ZBTB8B: variants seen among roughly 807,000 people sequenced by gnomAD.
ZBTB8B encodes zinc finger and BTB domain-containing protein 8B.
ZBTB8B carries 17 observed loss-of-function variants against 30.3 expected under a neutral mutation model. The ratio of observed to expected loss-of-function variants is 0.56; its 90% confidence interval spans 0.38 to 0.84. The LOEUF (loss-of-function observed/expected upper bound fraction) is 0.84. ZBTB8B is among the 40% of genes least tolerant of loss of function. The pLI, the probability that ZBTB8B is intolerant of heterozygous loss-of-function variation, is 0.00. For missense variants in ZBTB8B, 515 were observed against 644.9 expected (o/e 0.80, Z 2.18); for synonymous variants, 248 against 255.6 (o/e 0.97, Z 0.28).
At chr1:32,470,515 A>AG (rs1643608176) in intron 1 of ZBTB8B, 69 bp from the exon 2 acceptor site, 15 of 1,111,844 alleles carry the variant, frequency 1.3e-5, no homozygotes, top group Middle Eastern at 3.4e-4. Flanking sequence ...AAAAAAAAAA[A>AG]AAAAAAAAAA....
In ZBTB8B at chr1:32,487,222, C is replaced by T. The variant is rs1287856508; in HGVS notation, c.*1804C>T. 1.3e-5 allele frequency: 2 copies of T among 152,190 alleles called. No homozygotes were observed. The highest frequency in any genetic ancestry group is 6.5e-5 in the Admixed American group (1 of 15,272). 9.4% of individuals were successfully genotyped at this position (152,190 alleles called of 1,614,324 possible). A position where few individuals can be genotyped will look rare whatever the true frequency, so the allele number is the denominator to read the frequency against. On this transcript the variant is annotated 3_prime_UTR_variant, in exon 4 of 4. Transcript: ENST00000609129. ...CAAAGCATTAGACAGGTGTTTAAGT[C>T]GTACTTCTCAATAGTAGTTAAAACT...
At position 32,487,546 on chromosome 1, in the gene ZBTB8B, T is replaced by A. The variant is rs1336713444; in HGVS notation, c.*2128T>A. On this transcript the variant is annotated 3_prime_UTR_variant, in exon 4 of 4. Transcript: ENST00000609129. ...ACTTCTCTTATCACAGGTAGTTCGA[T>A]AAATATCATTCTTGGCTGTGTGCGG... 6.6e-6 allele frequency: 1 copy of A among 152,204 alleles called. No homozygotes were observed. Among genetic ancestry groups the A allele is most frequent in the Non-Finnish European group, 1.5e-5 (1 of 68,060 alleles). The allele number at this position is 152,204 out of a possible 1,614,324, so 9.4% of individuals were successfully genotyped here. A position where few individuals can be genotyped will look rare whatever the true frequency, so the allele number is the denominator to read the frequency against.
intron 1 of ZBTB8B, among the ~76,000 whole-genome samples, chr1:32,467,482 G>C (rs1643580569): frequency 6.6e-6 from 1 of 152,024 alleles, no homozygotes; most frequent in African/African-American, 2.4e-5. Context: ...TCGAACTCCT[G>C]ACCCCAGGTG....
Position 32,484,329 on chromosome 1 carries a change from C to T in ZBTB8B, c.1171-772C>T, listed in dbSNP as rs183255661. 2.3e-3 allele frequency among the ~76,000 whole-genome samples: 353 copies of T among 152,162 alleles called. 1 individual carries two copies. Among genetic ancestry groups the T allele is most frequent in the African/African-American group, 8.1e-3 (335 of 41,488 alleles). ...TGTCCCTGCCCTCTTAGAGCTTCCA[C>T]TCTAGTGACTTTTATGAACAATTTG... On this transcript the variant is annotated intron_variant, in intron 3 of 3. Coordinates refer to ENST00000609129, the MANE Select transcript of ZBTB8B (RefSeq NM_001145720.2). The surrounding 1 kb of genome is among the most constrained non-coding windows in gnomAD (Gnocchi z 4.5).
chr1:32,484,122 C>T lies in ZBTB8B; in HGVS notation c.1171-979C>T, dbSNP rs1402149016. On this transcript the variant is annotated intron_variant, in intron 3 of 3. Coordinates refer to ENST00000609129, the MANE Select transcript of ZBTB8B (RefSeq NM_001145720.2). This position sits in a 1 kb window ranked among gnomAD's most constrained non-coding sequence, Gnocchi z 4.5. ...GCTTGGGAGGCTGGAGGGGGAGGAT[C>T]GCTTGAGCCCAGGAGTTCAGGGCTT... Among the ~76,000 whole-genome samples the T allele has an allele frequency of 6.6e-5, 10 of 151,456 alleles. No homozygotes were observed. Among genetic ancestry groups the T allele is most frequent in the South Asian group, 2.1e-4 (1 of 4,806 alleles).
chr1:32,480,898 G>C lies in ZBTB8B; in HGVS notation c.999G>C (p.Val333=). 6.4e-7 allele frequency: 1 copy of C among 1,551,364 alleles called. No homozygotes were observed. The highest frequency in any genetic ancestry group is 8.7e-7 in the Non-Finnish European group (1 of 1,146,742). ...AAGCATTTGGTTCCCCAGGTGATGT[G>C]CTGGTGGTCCCCATCAAGCTCCACA... ...ADWYGEDSGD[V]LVVPIKLHKC... is the part of the protein sequence containing the mutation. The change falls in exon 3 of 4, where the codon GTG becomes GTC. Residue 333 remains valine (V), a synonymous_variant. Transcript: ENST00000609129.
At chr1:32,467,074 T>G (rs1300317264) in intron 1 of ZBTB8B, among the ~76,000 whole-genome samples, 2 of 152,084 alleles carry the variant, frequency 1.3e-5, no homozygotes, top group African/African-American at 4.8e-5. Flanking sequence ...GGAGGATTGC[T>G]TGAGCCTGGG....
chr1:32,476,287 C>G (rs912283597), intron 2 of ZBTB8B, among the ~76,000 whole-genome samples: 1 of 152,156 alleles, frequency 6.6e-6, no homozygotes, highest in African/African-American at 2.4e-5. Flanking sequence ...AAGCATGAGC[C>G]ACCATGCCTG....
chr1:32,468,879 G>T (rs999752558), intron 1 of ZBTB8B, among the ~76,000 whole-genome samples: 11 of 151,214 alleles, frequency 7.3e-5, no homozygotes, highest in Non-Finnish European at 1.5e-4. Flanking sequence ...AAAAAGACCA[G>T]TCTCAAAGTT....
rs1215827793 is a variant in ZBTB8B at position 32,490,829 on chromosome 1, T to A, written c.*5411T>A. 4 of 152,194 alleles carry A rather than the reference T, an allele frequency of 2.6e-5. No homozygotes were observed. The highest frequency in any genetic ancestry group is 5.9e-5 in the Non-Finnish European group (4 of 68,054). The allele number at this position is 152,194 out of a possible 1,614,324, so 9.4% of individuals were successfully genotyped here. ...TAGTCTCAATATCCTGACCTTGTGA[T>A]CCACCCGCCTCGGCCTCCCAAAGTG... On this transcript the variant is annotated 3_prime_UTR_variant, in exon 4 of 4. Coordinates refer to ENST00000609129, the MANE Select transcript of ZBTB8B (RefSeq NM_001145720.2).
chr1:32,481,773 G>A (rs920438789), intron 3 of ZBTB8B, among the ~76,000 whole-genome samples: 4 of 152,030 alleles, frequency 2.6e-5, no homozygotes, highest in African/African-American at 7.2e-5. Flanking sequence ...CCCACCCTCC[G>A]GTAGACCCCA....
In ZBTB8B at chr1:32,489,761, G is replaced by A. The variant is rs543077435; in HGVS notation, c.*4343G>A. 1 of 152,214 alleles carries A rather than the reference G, an allele frequency of 6.6e-6. No homozygotes were observed. Among genetic ancestry groups the A allele is most frequent in the South Asian group, 2.1e-4 (1 of 4,822 alleles). 9.4% of individuals were successfully genotyped at this position (152,214 alleles called of 1,614,324 possible). Reference sequence around the variant, plus strand: ...TTCTTGGGAAGTTATTTCTCTTGGGGGATGAGGACCCCCTTCTCAAAAGTT... The same window carrying A: ...TTCTTGGGAAGTTATTTCTCTTGGGAGATGAGGACCCCCTTCTCAAAAGTT... On this transcript the variant is annotated 3_prime_UTR_variant, in exon 4 of 4. Coordinates refer to ENST00000609129, the MANE Select transcript of ZBTB8B (RefSeq NM_001145720.2).
Position 32,487,285 on chromosome 1 carries a change from C to T in ZBTB8B, c.*1867C>T, listed in dbSNP as rs1643752724. 6.6e-6 allele frequency: 1 copy of T among 152,122 alleles called. No homozygotes were observed. Among genetic ancestry groups the T allele is most frequent in the Non-Finnish European group, 1.5e-5 (1 of 68,028 alleles). 9.4% of individuals were successfully genotyped at this position (152,122 alleles called of 1,614,324 possible). On this transcript the variant is annotated 3_prime_UTR_variant, in exon 4 of 4. Coordinates refer to ENST00000609129, the MANE Select transcript of ZBTB8B (RefSeq NM_001145720.2). ...CTCAAACTCTGGCCCACAGAGAGGC[C>T]CTGTTCTGTAAACTGTTTTCTACCA...
At chr1:32,479,299 C>T (rs1267868973) in intron 2 of ZBTB8B, among the ~76,000 whole-genome samples, 2 of 151,982 alleles carry the variant, frequency 1.3e-5, no homozygotes, top group African/African-American at 4.8e-5. Flanking sequence ...CTGAGGCAGC[C>T]GGATCACCTG....
chr1:32,490,054 G>A lies in ZBTB8B; in HGVS notation c.*4636G>A, dbSNP rs532997692. 4.6e-5 allele frequency: 7 copies of A among 152,314 alleles called. No homozygotes were observed. The highest frequency in any genetic ancestry group is 1.7e-4 in the African/African-American group (7 of 41,562). 9.4% of individuals were successfully genotyped at this position (152,314 alleles called of 1,614,324 possible). ...AAACCCCAGGGAGAGAAAGGCAACA[G>A]GTAGGGCTGCATGCACTGATTCTGG... On this transcript the variant is annotated 3_prime_UTR_variant, in exon 4 of 4. Coordinates refer to ENST00000609129, the MANE Select transcript of ZBTB8B (RefSeq NM_001145720.2).
At chr1:32,483,867 C>A (rs1643725434) in intron 3 of ZBTB8B, among the ~76,000 whole-genome samples, 1 of 151,766 alleles carries the variant, frequency 6.6e-6, no homozygotes, top group African/African-American at 2.4e-5. Flanking sequence ...GAGTTCAAGT[C>A]CAGCTTGGGC....
intron 2 of ZBTB8B, 107 bp from the exon 3 acceptor site, chr1:32,480,784 C>G: frequency 9.1e-7 from 1 of 1,099,380 alleles, no homozygotes; most frequent in Non-Finnish European, 1.3e-6. Context: ...TCCTCCTCTT[C>G]TATCTGGGCT....
At chr1:32,477,998 A>AAAG (rs1643676865) in intron 2 of ZBTB8B, among the ~76,000 whole-genome samples, 1 of 151,560 alleles carries the variant, frequency 6.6e-6, no homozygotes, top group Non-Finnish European at 1.5e-5. Context: ...CGGAGGTTGC[A>AAAG]GTGAGCCGAG....
rs1170293142 is a variant in ZBTB8B, at chr1:32,492,050, G to C, written c.*6632G>C. The C allele has an allele frequency of 1.3e-5, 2 of 152,142 alleles. No homozygotes were observed. Among genetic ancestry groups the C allele is most frequent in the Non-Finnish European group, 2.9e-5 (2 of 68,032 alleles). 9.4% of individuals were successfully genotyped at this position (152,142 alleles called of 1,614,324 possible). A position where few individuals can be genotyped will look rare whatever the true frequency, so the allele number is the denominator to read the frequency against. Reference sequence around the variant, plus strand: ...TCTTGAATAGTGTTGTTGGTGCTTAGTTGCTTGTGATTAATAGACAGTTTG... The same window carrying C: ...TCTTGAATAGTGTTGTTGGTGCTTACTTGCTTGTGATTAATAGACAGTTTG... On this transcript the variant is annotated 3_prime_UTR_variant, in exon 4 of 4. Coordinates refer to ENST00000609129, the MANE Select transcript of ZBTB8B (RefSeq NM_001145720.2).
Sources: allele counts gnomAD v4.1 joint callset (sites outside exome capture counted in the v4.1 genomes callset), GRCh38; gene constraint gnomAD v4.1.1; non-coding constraint Gnocchi (gnomAD v3.1); transcripts MANE v1.5; gene names NCBI Gene and HGNC (gene_info 2026-07-23, HGNC 2026-07-21).